Variants in GANC observed in about 807,000 individuals in gnomAD.
GANC encodes neutral alpha-glucosidase C.
A neutral mutation model predicts 124.2 loss-of-function variants in GANC; 117 were observed. That is an observed-to-expected ratio of 0.94 (90% CI 0.81 to 1.10). The LOEUF (loss-of-function observed/expected upper bound fraction) is 1.10. Ranked by LOEUF, GANC falls within the 50% of genes least tolerant of loss-of-function variation. GANC has a pLI of 0.00. For missense variants in GANC, 1,140 were observed against 1,095.0 expected, an observed-to-expected ratio of 1.04 and a Z score of -0.58; for synonymous variants, 377 against 376.8, an observed-to-expected ratio of 1.00 and a Z score of -0.01.
intron 14 of GANC, 102 bp from the exon 15 acceptor site, chr15:42,330,474 T>C: frequency 1.4e-6 from 1 of 719,360 alleles, no homozygotes; most frequent in Non-Finnish European, 2.4e-6. Context: ...TTCCATTTCA[T>C]GCTCCTGCCT....
At chr15:42,342,029 T>C (rs2052332210) in intron 18 of GANC, among the ~76,000 whole-genome samples, 1 of 152,196 alleles carries the variant, frequency 6.6e-6, no homozygotes, top group Admixed American at 6.5e-5. Flanking sequence ...TGTAATTTGG[T>C]CTCTTTTGGT....
At chr15:42,301,456 T>G (rs536756392) in intron 6 of GANC, among the ~76,000 whole-genome samples, 45 of 143,332 alleles carry the variant, frequency 3.1e-4, no homozygotes, top group Middle Eastern at 3.6e-3. Context: ...GCTGCAGGGG[T>G]TTTTTTTTTT....
At position 42,297,836 on chromosome 15, in the gene GANC, TATTC is replaced by T. The variant is rs55989118; in HGVS notation, c.558+203_558+206del. 3.6e-4 allele frequency among the ~76,000 whole-genome samples: 55 copies of T among 151,688 alleles called. No individual in the cohort carries two copies. In the East Asian group the frequency reaches 8.8e-3, roughly 24 times the overall value. On this transcript the variant is annotated intron_variant, in intron 6 of 23. Transcript: ENST00000318010. Reference sequence around the variant, plus strand: ...CATCTCGTTGATTCATTCATTCATTTATTCATTCATTCATTCATTCATTCATAAA... The same window carrying T: ...CATCTCGTTGATTCATTCATTCATTTATTCATTCATTCATTCATTCATAAA...
At chr15:42,300,188 T>C (rs781159520) in intron 6 of GANC, among the ~76,000 whole-genome samples, 6 of 152,150 alleles carry the variant, frequency 3.9e-5, no homozygotes, top group Non-Finnish European at 7.3e-5. Context: ...ACCTACAGAA[T>C]GGGTGAAAAT....
At chr15:42,298,254 G>A (rs932309841) in intron 6 of GANC, among the ~76,000 whole-genome samples, 2 of 152,160 alleles carry the variant, frequency 1.3e-5, no homozygotes, top group Admixed American at 1.3e-4. Context: ...GAATATGTAT[G>A]CAATATATAT....
chr15:42,345,257 T>A lies in GANC; in HGVS notation c.2230-501T>A, dbSNP rs1223884307. ...CTATAATAGTAATTCAAGTTTCCAT[T>A]TTTTTCCTCCCAGATATGTTTCCTT... On this transcript the variant is annotated intron_variant, in intron 19 of 23. Coordinates refer to ENST00000318010, the MANE Select transcript of GANC (RefSeq NM_198141.3). Among the ~76,000 whole-genome samples the A allele has an allele frequency of 2.7e-5, 4 of 149,964 alleles. No individual in the cohort carries two copies. In the East Asian group the frequency reaches 7.7e-4, roughly 29 times the overall value.
At chr15:42,295,415 T>G (rs534938323) in intron 5 of GANC, among the ~76,000 whole-genome samples, 1 of 152,188 alleles carries the variant, frequency 6.6e-6, no homozygotes, top group Admixed American at 6.5e-5. Context: ...TTAAGTTAGA[T>G]TTTAACCTCA....
intron 18 of GANC, 82 bp from the exon 19 acceptor site, chr15:42,342,996 T>G (rs1249854559): frequency 1.7e-6 from 2 of 1,146,072 alleles, no homozygotes; most frequent in East Asian, 4.9e-5. Context: ...AACACCATGA[T>G]AGCTAGCACT....
intron 5 of GANC, among the ~76,000 whole-genome samples, chr15:42,293,467 G>T (rs1322359951): frequency 1.3e-5 from 2 of 152,018 alleles, no homozygotes; most frequent in Non-Finnish European, 2.9e-5. Context: ...TATATGATCT[G>T]CAGAAAGCAT....
chr15:42,279,437 G>A (rs1186050809), intron 3 of GANC, among the ~76,000 whole-genome samples: 3 of 152,212 alleles, frequency 2.0e-5, no homozygotes, highest in East Asian at 1.9e-4. Context: ...CAAGTAACAA[G>A]TGTTCCCTCA....
intron 3 of GANC, among the ~76,000 whole-genome samples, chr15:42,286,148 C>T (rs2051785809): frequency 6.6e-6 from 1 of 152,072 alleles, no homozygotes; most frequent in African/African-American, 2.4e-5. Context: ...CCCATTTTTG[C>T]CTACTCAAAG....
chr15:42,310,708 A>C lies in GANC; in HGVS notation c.919A>C (p.Met307Leu). The C allele has an allele frequency of 6.2e-7, 1 of 1,611,498 alleles. No individual in the cohort carries two copies. Among genetic ancestry groups the C allele is most frequent in the Non-Finnish European group, 8.5e-7 (1 of 1,177,678 alleles). The change falls in exon 10 of 24, where the codon ATG (methionine) becomes CTG (leucine). Residue 307 changes from methionine to leucine, a missense_variant. Physicochemically the swap from Met to Leu is conservative, Grantham distance 15. Transcript: ENST00000318010. ...EPAVEYTLTQ[M>L]GPVAAKQKVR... Reference sequence around the variant, plus strand: ...CTTTTTCCAGTACACACTGACCCAGATGGGCCCAGTTGCTGCTAAACAAAA... The same window carrying C: ...CTTTTTCCAGTACACACTGACCCAGCTGGGCCCAGTTGCTGCTAAACAAAA...
At chr15:42,312,934 C>T (rs1056508811) in intron 10 of GANC, among the ~76,000 whole-genome samples, 5 of 59,166 alleles carry the variant, frequency 8.5e-5, no homozygotes, top group South Asian at 1.5e-3. Flanking sequence ...AGCAAGACTC[C>T]GTCTCAAAAA....
At chr15:42,339,648 T>G (rs1405720482) in intron 16 of GANC, 21 bp from the exon 17 acceptor site, 2 of 1,607,558 alleles carry the variant, frequency 1.2e-6, no homozygotes, top group Non-Finnish European at 1.7e-6. Context: ...GTTGCCTCAC[T>G]TGGCCTTCTT....
chr15:42,288,602 A>G (rs2051813706), intron 4 of GANC, among the ~76,000 whole-genome samples: 1 of 152,242 alleles, frequency 6.6e-6, no homozygotes, highest in African/African-American at 2.4e-5. Context: ...GAATTCAGTT[A>G]TGATAGAATC....
At chr15:42,276,909 T>C (rs1488984882) in intron 2 of GANC, among the ~76,000 whole-genome samples, 1 of 152,188 alleles carries the variant, frequency 6.6e-6, no homozygotes, top group Admixed American at 6.5e-5. Context: ...TAGTTTGTTC[T>C]GAGGAGAAAT....
intron 13 of GANC, among the ~76,000 whole-genome samples, 194 bp from the exon 14 acceptor site, chr15:42,329,112 A>G (rs1048707086): frequency 2.0e-5 from 3 of 152,242 alleles, no homozygotes; most frequent in African/African-American, 4.8e-5. Context: ...GCCAGGTACT[A>G]TTCTAGATGT....
At position 42,310,798 on chromosome 15, in the gene GANC, A is replaced by G; in HGVS notation, c.1009A>G (p.Thr337Ala). 6.2e-7 allele frequency: 1 copy of G among 1,613,960 alleles called. No homozygotes were observed. The highest frequency in any genetic ancestry group is 8.5e-7 in the Non-Finnish European group (1 of 1,179,910). Residue 337 changes from threonine to alanine, a missense_variant, in exon 10 of 24, where the codon ACA (threonine) becomes GCA (alanine). By Grantham distance (58) the Thr-to-Ala change is moderately conservative. Coordinates refer to ENST00000318010, the MANE Select transcript of GANC (RefSeq NM_198141.3). ...TGGCATCATTGATGTTTTTCTGCTG[A>G]CAGGACCTACACCTTCTGATGTCTT... ...ESGIIDVFLL[T>A]GPTPSDVFKQ...
Position 42,310,335 on chromosome 15 carries a change from T to C in GANC, c.775T>C (p.Tyr259His), listed in dbSNP as rs536624569. 4.3e-6 allele frequency: 7 copies of C among 1,613,368 alleles called. No homozygotes were observed. The East Asian group carries it at 1.3e-4, about 31-fold the overall frequency. The change falls in exon 9 of 24, where the codon TAT (tyrosine) becomes CAT (histidine). Residue 259 changes from tyrosine (Y) to histidine (H), a missense_variant. Transcript: ENST00000318010. ...CCTGGATGTCTATGGATACCAAATA[T>C]ATGATAAAATGGGCATTTATGGTTC... ...YNLDVYGYQIYDKMGIYGSVP... is the reference protein window; with the variant it reads ...YNLDVYGYQIHDKMGIYGSVP...
Sources: gnomAD v4.1 joint callset for allele counts (sites outside exome capture counted in the v4.1 genomes callset) on GRCh38, gnomAD v4.1.1 for gene constraint, MANE v1.5 for transcripts, NCBI Gene and HGNC (gene_info 2026-07-23, HGNC 2026-07-21) for gene names.